The following CPLX4 variants were observed in gnomAD, a reference collection of about 807,000 sequenced individuals.
CPLX4 encodes the protein complexin-4.
Under a neutral mutation model 16.1 loss-of-function variants are expected in CPLX4, and 17 were observed. The ratio of observed to expected loss-of-function variants is 1.06; its 90% confidence interval spans 0.72 to 1.59. The LOEUF (loss-of-function observed/expected upper bound fraction) is 1.59. Ranked by LOEUF, CPLX4 falls within the 40% of genes most tolerant of loss-of-function variation. The probability of loss-of-function intolerance (pLI) is 0.00; values close to 1 mark genes in which losing one functional copy is unlikely to be tolerated. For missense variants in CPLX4, 193 were observed against 192.9 expected, an observed-to-expected ratio of 1.00 and a Z score of 0.00; for synonymous variants, 55 against 57.8, an observed-to-expected ratio of 0.95 and a Z score of 0.22.
In CPLX4 at chr18:59,296,688, C is replaced by A; in HGVS notation, c.*10G>T. The A allele has an allele frequency of 6.2e-7, 1 of 1,608,038 alleles. No individual in the cohort carries two copies. Among genetic ancestry groups the A allele is most frequent in the South Asian group, 1.1e-5 (1 of 90,576 alleles). ...GATGGCTGGTTCCCTCCCTCCACCC[C>A]TCCCACCCCTCACATCACGGAACAC... On this transcript the variant is annotated 3_prime_UTR_variant, in exon 3 of 3. Transcript: ENST00000299721.
intron 2 of CPLX4, among the ~76,000 whole-genome samples, chr18:59,308,529 G>T: frequency 1.4e-5 from 2 of 139,600 alleles, no homozygotes; most frequent in East Asian, 2.1e-4. Flanking sequence ...CCCATCCAAT[G>T]ACCTATCAAG....
At chr18:59,299,512 A>G (rs1245943600) in intron 2 of CPLX4, among the ~76,000 whole-genome samples, 1 of 152,100 alleles carries the variant, frequency 6.6e-6, no homozygotes, top group Non-Finnish European at 1.5e-5. Context: ...AAAACACCGA[A>G]CACACTCATG....
chr18:59,307,239 G>A (rs1478379148), intron 2 of CPLX4, among the ~76,000 whole-genome samples: 1 of 152,132 alleles, frequency 6.6e-6, no homozygotes, highest in Non-Finnish European at 1.5e-5. Context: ...TGATCCTTAT[G>A]GTTATGTATT....
At position 59,310,947 on chromosome 18, in the gene CPLX4, C is replaced by CGTGTGTGTGTGT. The variant is rs56041362; in HGVS notation, c.255+1726_255+1737dup. On this transcript the variant is annotated intron_variant, in intron 2 of 2. Transcript: ENST00000299721. The stretch of plus-strand genomic sequence containing the variant: ...TCTGGACGATGCACACCCAGCCAAT[C>CGTGTGTGTGTGT]GTGTGTGTGTGTGTGTGTGTGTGTG... 1.2e-4 allele frequency among the ~76,000 whole-genome samples: 17 copies of CGTGTGTGTGTGT among 143,644 alleles called. 1 individual carries two copies. Among genetic ancestry groups the CGTGTGTGTGTGT allele is most frequent in the South Asian group, 7.2e-4 (3 of 4,174 alleles). 94.2% of individuals were successfully genotyped at this position (143,644 alleles called of 152,430 possible).
chr18:59,316,647 C>T (rs533286739), intron 1 of CPLX4, among the ~76,000 whole-genome samples: 2 of 152,240 alleles, frequency 1.3e-5, no homozygotes, highest in African/African-American at 4.8e-5. Flanking sequence ...TATTCTCACA[C>T]ACATATGCAA....
rs2070492523 is a variant in CPLX4, at chr18:59,295,493, C to A, written c.*1205G>T. On this transcript the variant is annotated 3_prime_UTR_variant, in exon 3 of 3. Transcript: ENST00000299721. Reference sequence around the variant, plus strand: ...TTTGAGAACCCTGGGTTTAGAACAACTTAGACCCTAAGTTTTCGGTCTCAG... The same window carrying A: ...TTTGAGAACCCTGGGTTTAGAACAAATTAGACCCTAAGTTTTCGGTCTCAG... 6.6e-6 allele frequency: 1 copy of A among 151,114 alleles called. No individual in the cohort carries two copies. The highest frequency in any genetic ancestry group is 6.6e-5 in the Admixed American group (1 of 15,140). 9.4% of individuals were successfully genotyped at this position (151,114 alleles called of 1,614,324 possible).
Position 59,317,302 on chromosome 18 carries a change from G to A in CPLX4, c.167+994C>T, listed in dbSNP as rs184110859. On this transcript the variant is annotated intron_variant, in intron 1 of 2. Coordinates refer to ENST00000299721, the MANE Select transcript of CPLX4 (RefSeq NM_181654.4). ...GGCAAAAAAGAAATACTTTTCTTTT[G>A]AAACATATGATAAACATTTAACCTC... Among the ~76,000 whole-genome samples, 1,166 of 152,066 alleles carry A rather than the reference G, an allele frequency of 7.7e-3. 24 individuals carry two copies. The highest frequency in any genetic ancestry group is 0.027 in the African/African-American group (1,113 of 41,504).
intron 2 of CPLX4, among the ~76,000 whole-genome samples, chr18:59,309,626 A>T (rs2070601681): frequency 6.6e-6 from 1 of 152,094 alleles, no homozygotes; most frequent in Non-Finnish European, 1.5e-5. Context: ...GATCGAGACC[A>T]TCCTGGTTAA....
intron 2 of CPLX4, among the ~76,000 whole-genome samples, chr18:59,303,167 G>A (rs995235484): frequency 2.0e-4 from 31 of 152,184 alleles, no homozygotes; most frequent in African/African-American, 7.5e-4. Context: ...CATGCTGGCT[G>A]CTCCTTCTGC....
intron 1 of CPLX4, among the ~76,000 whole-genome samples, chr18:59,315,508 C>A (rs977911813): frequency 3.9e-5 from 6 of 152,090 alleles, no homozygotes; most frequent in Non-Finnish European, 1.5e-5. Context: ...CATCTTTTAA[C>A]GTATAAAAGT....
intron 2 of CPLX4, among the ~76,000 whole-genome samples, chr18:59,303,408 C>T (rs1334151663): frequency 6.6e-6 from 1 of 152,150 alleles, no homozygotes; most frequent in Non-Finnish European, 1.5e-5. Flanking sequence ...TCAAGAAGCT[C>T]CCGGAGGCCG....
intron 2 of CPLX4, among the ~76,000 whole-genome samples, chr18:59,305,497 G>A: frequency 6.6e-6 from 1 of 152,138 alleles, no homozygotes; most frequent in South Asian, 2.1e-4. Context: ...AAGATGACTT[G>A]GCGATTTACT....
At chr18:59,298,151 G>A (rs1208150532) in intron 2 of CPLX4, among the ~76,000 whole-genome samples, 1 of 151,392 alleles carries the variant, frequency 6.6e-6, no homozygotes, top group African/African-American at 2.4e-5. Context: ...GTGCAGTGGT[G>A]CAATCTGGGC....
chr18:59,317,929 G>A (rs545628187), intron 1 of CPLX4, among the ~76,000 whole-genome samples: 5 of 151,504 alleles, frequency 3.3e-5, no homozygotes, highest in Admixed American at 2.0e-4. Flanking sequence ...GACTTTCTAC[G>A]TGCTAAGAGG....
intron 1 of CPLX4, among the ~76,000 whole-genome samples, chr18:59,315,846 C>T (rs545322026): frequency 1.6e-4 from 24 of 152,262 alleles, no homozygotes; most frequent in Non-Finnish European, 3.1e-4. Flanking sequence ...CCCCATTGAT[C>T]GATTTGTTGA....
chr18:59,312,396 C>T (rs12961490), intron 2 of CPLX4, among the ~76,000 whole-genome samples: 15,572 of 145,648 alleles, frequency 0.11, 1,040 homozygotes, highest in African/African-American at 0.19. Flanking sequence ...TTAGGATATA[C>T]GTGTGTGCAT....
intron 2 of CPLX4, among the ~76,000 whole-genome samples, chr18:59,302,704 C>T (rs1302085838): frequency 1.3e-5 from 2 of 152,166 alleles, no homozygotes; most frequent in Non-Finnish European, 2.9e-5. Context: ...TGATGCCTGA[C>T]CTTTCACCAA....
At chr18:59,317,159 C>A (rs976556577) in intron 1 of CPLX4, among the ~76,000 whole-genome samples, 1 of 152,102 alleles carries the variant, frequency 6.6e-6, no homozygotes, top group East Asian at 1.9e-4. Flanking sequence ...TTCCACTAAA[C>A]GTAGTCTTTG....
chr18:59,306,009 A>T (rs1272186614), intron 2 of CPLX4, among the ~76,000 whole-genome samples: 1 of 152,214 alleles, frequency 6.6e-6, no homozygotes, highest in Non-Finnish European at 1.5e-5. Flanking sequence ...AGAGGCCCCA[A>T]GAGAAATTAA....
Sources: allele counts gnomAD v4.1 joint callset (sites outside exome capture counted in the v4.1 genomes callset), GRCh38; gene constraint gnomAD v4.1.1; transcripts MANE v1.5; gene names NCBI Gene and HGNC (gene_info 2026-07-23, HGNC 2026-07-21).